Variants in PTPRU observed in about 807,000 individuals in gnomAD.
PTPRU encodes the protein receptor-type tyrosine-protein phosphatase U.
In PTPRU, 69 loss-of-function variants were observed where a neutral mutation model predicts 166.3. The ratio of observed to expected loss-of-function variants is 0.41; its 90% confidence interval spans 0.34 to 0.51. The LOEUF (loss-of-function observed/expected upper bound fraction) is 0.51. Among genes scored for constraint, PTPRU ranks in the 20% least tolerant of loss-of-function variants. PTPRU has a pLI of 0.09. For missense variants in PTPRU, 1,657 were observed against 2,013.7 expected (o/e 0.82, Z 3.39); for synonymous variants, 793 against 814.0 (o/e 0.97, Z 0.44).
chr1:29,309,923 G>C (rs927820924), intron 18 of PTPRU, among the ~76,000 whole-genome samples: 1 of 152,186 alleles, frequency 6.6e-6, no homozygotes, highest in African/African-American at 2.4e-5. Context: ...CGCATTGCCC[G>C]CATTGATGCC....
chr1:29,279,764 C>T lies in PTPRU; in HGVS notation c.1765+107C>T. 1 of 1,333,324 alleles carries T rather than the reference C, an allele frequency of 7.5e-7. No homozygotes were observed. Among genetic ancestry groups the T allele is most frequent in the Non-Finnish European group, 1.0e-6 (1 of 955,308 alleles). 82.6% of individuals were successfully genotyped at this position (1,333,324 alleles called of 1,614,324 possible). On this transcript the variant is annotated intron_variant, in intron 10 of 29. Coordinates refer to ENST00000373779, the MANE Select transcript of PTPRU (RefSeq NM_133178.4). The surrounding 1 kb of genome is among the most constrained non-coding windows in gnomAD (Gnocchi z 5.2). Reference sequence around the variant, plus strand: ...GCATCCTGGGGGTAGTTACAGAGGGCCCCTGCTGAGATAAATATGCCATTT... The same window carrying T: ...GCATCCTGGGGGTAGTTACAGAGGGTCCCTGCTGAGATAAATATGCCATTT...
At chr1:29,246,734 G>A (rs1301721255) in intron 1 of PTPRU, among the ~76,000 whole-genome samples, 4 of 152,012 alleles carry the variant, frequency 2.6e-5, no homozygotes, top group South Asian at 2.1e-4. Context: ...TCCTGCCTCC[G>A]CCTCCTGAGT....
chr1:29,275,653 C>T lies in PTPRU; in HGVS notation c.1350C>T (p.Ile450=), dbSNP rs1191094158. The T allele has an allele frequency of 1.9e-6, 3 of 1,614,176 alleles. No homozygotes were observed. Among genetic ancestry groups the T allele is most frequent in the East Asian group, 4.5e-5 (2 of 44,882 alleles). The part of the protein sequence containing the change: ...KTEQGVSRYT[I]KNLLPYRNVH... ...AGCAAGGTGTCAGCCGCTACACCAT[C>T]AAGAACCTGCTGCCCTATCGGAACG... Residue 450 remains isoleucine (I), a synonymous_variant, in exon 8 of 30, where the codon ATC becomes ATT. Transcript: ENST00000373779.
rs1484354323 is a variant in PTPRU at position 29,316,046 on chromosome 1, G to C, written c.3408G>C (p.Leu1136=). The change falls in exon 24 of 30, where the codon CTG becomes CTC. Residue 1136 remains leucine (L), a synonymous_variant. Coordinates refer to ENST00000373779, the MANE Select transcript of PTPRU (RefSeq NM_133178.4). ...FIHDAILEAC[L]CGETTIPVSE... ...ATGATGCAATCCTGGAGGCCTGCCT[G>C]TGTGGGGAGACCACCATCCCTGTCA... The C allele has an allele frequency of 6.2e-7, 1 of 1,613,950 alleles. No individual in the cohort carries two copies.
chr1:29,306,439 A>G (rs1391616402), intron 18 of PTPRU, among the ~76,000 whole-genome samples: 1 of 152,202 alleles, frequency 6.6e-6, no homozygotes, highest in African/African-American at 2.4e-5. Context: ...CTTTCCTTGA[A>G]CATATCTATT....
At chr1:29,319,566 C>G (rs1176105950) in intron 25 of PTPRU, among the ~76,000 whole-genome samples, 1 of 152,188 alleles carries the variant, frequency 6.6e-6, no homozygotes, top group African/African-American at 2.4e-5. Flanking sequence ...GGCACCCAGG[C>G]CTGAGTTTTG....
At chr1:29,269,056 TAGAG>T (rs1323362056) in intron 7 of PTPRU, among the ~76,000 whole-genome samples, 1 of 151,576 alleles carries the variant, frequency 6.6e-6, no homozygotes, top group Non-Finnish European at 1.5e-5. Flanking sequence ...ATTTTGTTTT[TAGAG>T]ACAGGGTCTC....
At position 29,320,532 on chromosome 1, in the gene PTPRU, A is replaced by G; in HGVS notation, c.3688-153A>G. 2.3e-6 allele frequency: 2 copies of G among 874,204 alleles called. No individual in the cohort carries two copies. Among genetic ancestry groups the G allele is most frequent in the Admixed American group, 6.7e-5 (2 of 30,038 alleles). 54.2% of individuals were successfully genotyped at this position (874,204 alleles called of 1,614,324 possible). ...CAACCCAGGCCTCAGTGTGCCAACC[A>G]ACATCAGAAATGGCCCACTGGAGGC... On this transcript the variant is annotated intron_variant, in intron 25 of 29. Transcript: ENST00000373779. This position sits in a 1 kb window ranked among gnomAD's most constrained non-coding sequence, Gnocchi z 5.2.
chr1:29,302,240 A>G (rs1030267618), intron 15 of PTPRU, among the ~76,000 whole-genome samples: 1 of 151,708 alleles, frequency 6.6e-6, no homozygotes, highest in Non-Finnish European at 1.5e-5. Context: ...AATAGAAAAA[A>G]GTATAGAATA....
rs761482913 is a variant in PTPRU at position 29,271,276 on chromosome 1, T to C, written c.1145-4172T>C. Among the ~76,000 whole-genome samples, 9 of 152,024 alleles carry C rather than the reference T, an allele frequency of 5.9e-5. No individual in the cohort carries two copies. The highest frequency in any genetic ancestry group is 1.9e-4 in the East Asian group (1 of 5,186). On this transcript the variant is annotated intron_variant, in intron 7 of 29. Transcript: ENST00000373779. This position sits in a 1 kb window ranked among gnomAD's most constrained non-coding sequence, Gnocchi z 4.4. ...AGCGTGTGTTGACAGTTGAAGAGAG[T>C]GTGTCTGGGTGCCAGATGGTTTTTA...
Position 29,260,010 on chromosome 1 carries a change from G to A in PTPRU, c.816G>A (p.Ala272=). The change falls in exon 6 of 30, where the codon GCG becomes GCA. Residue 272 remains alanine, a synonymous_variant. Coordinates refer to ENST00000373779, the MANE Select transcript of PTPRU (RefSeq NM_133178.4). The surrounding 1 kb of genome is among the most constrained non-coding windows in gnomAD (Gnocchi z 8.3). ...GTGTGTCCCAGGCCCCGCGCGGCGC[G>A]GGCGTCTCTAACTTCGCGGAGCTCA... ...YRCVSQAPRG[A]GVSNFAELIV... is the part of the protein sequence containing the mutation. The A allele has an allele frequency of 6.7e-7, 1 of 1,485,670 alleles. No individual in the cohort carries two copies. Among genetic ancestry groups the A allele is most frequent in the Non-Finnish European group, 8.9e-7 (1 of 1,125,602 alleles). 92.0% of individuals were successfully genotyped at this position (1,485,670 alleles called of 1,614,324 possible).
intron 4 of PTPRU, 23 bp downstream of exon 4, chr1:29,259,365 C>A: frequency 1.2e-6 from 2 of 1,612,466 alleles, no homozygotes; most frequent in South Asian, 1.1e-5. Flanking sequence ...CCACTGGGGG[C>A]GCAGGGGTAA....
At chr1:29,247,092 G>T (rs1298128407) in intron 1 of PTPRU, among the ~76,000 whole-genome samples, 2 of 152,158 alleles carry the variant, frequency 1.3e-5, no homozygotes, top group Non-Finnish European at 2.9e-5. Context: ...TCTCTCTGTT[G>T]TTCTGTGTGC....
intron 7 of PTPRU, among the ~76,000 whole-genome samples, chr1:29,266,074 G>A (rs577811569): frequency 3.6e-4 from 47 of 131,052 alleles, no homozygotes; most frequent in African/African-American, 1.3e-3. Context: ...AGGCTGGAGT[G>A]CAATGGCATG....
intron 7 of PTPRU, among the ~76,000 whole-genome samples, chr1:29,269,118 C>T (rs564987205): frequency 5.3e-5 from 8 of 150,700 alleles, no homozygotes; most frequent in African/African-American, 1.7e-4. Context: ...TAGCTCACTG[C>T]GTGCAGCCTT....
intron 18 of PTPRU, among the ~76,000 whole-genome samples, chr1:29,310,534 C>G (rs1345236560): frequency 6.6e-6 from 1 of 152,086 alleles, no homozygotes; most frequent in Admixed American, 6.5e-5. Flanking sequence ...TGGATTAAGC[C>G]CACGACTCTG....
chr1:29,287,049 A>G (rs1307710804), intron 14 of PTPRU, among the ~76,000 whole-genome samples: 2 of 152,244 alleles, frequency 1.3e-5, no homozygotes, highest in South Asian at 4.1e-4. Context: ...TGTTCAGATC[A>G]ACGTGGGGTG....
intron 5 of PTPRU, 53 bp downstream of exon 5, chr1:29,259,617 C>T (rs1031798391): frequency 1.0e-5 from 15 of 1,465,512 alleles, no homozygotes; most frequent in African/African-American, 9.7e-5. Flanking sequence ...GGGTTGGTGG[C>T]TGCTTCTGGC....
chr1:29,243,608 A>C (rs891111494), intron 1 of PTPRU, among the ~76,000 whole-genome samples: 1 of 152,190 alleles, frequency 6.6e-6, no homozygotes, highest in Non-Finnish European at 1.5e-5. Flanking sequence ...AAGCCTTCCC[A>C]GCCCTCTCCC....
Sources: gnomAD v4.1 joint callset for allele counts (sites outside exome capture counted in the v4.1 genomes callset) on GRCh38, gnomAD v4.1.1 for gene constraint, Gnocchi (gnomAD v3.1) non-coding constraint, MANE v1.5 for transcripts, NCBI Gene and HGNC (gene_info 2026-07-23, HGNC 2026-07-21) for gene names.